Variants in UBA5 observed in about 807,000 individuals in gnomAD.
UBA5 encodes the protein ubiquitin-like modifier-activating enzyme 5.
In UBA5, 28 loss-of-function variants were observed where a neutral mutation model predicts 52.9. That is an observed-to-expected ratio of 0.53 (90% CI 0.39 to 0.73). UBA5 has a LOEUF of 0.73. Among genes scored for constraint, UBA5 ranks in the 30% least tolerant of loss-of-function variants. UBA5 has a pLI of 0.00. For synonymous variants in UBA5, 135 were observed against 162.1 expected, an observed-to-expected ratio of 0.83 and a Z score of 1.27; for missense variants, 388 against 492.7, an observed-to-expected ratio of 0.79 and a Z score of 2.01.
chr3:132,674,476 C>A (rs1288272235), intron 8 of UBA5, among the ~76,000 whole-genome samples: 1 of 152,114 alleles, frequency 6.6e-6, no homozygotes, highest in East Asian at 1.9e-4. Context: ...TTGCTTGAGC[C>A]CAGGAATTTG....
chr3:132,666,143 G>A, intron 3 of UBA5, 70 bp downstream of exon 3: 1 of 1,402,814 alleles, frequency 7.1e-7, no homozygotes, highest in Non-Finnish European at 1.0e-6. Flanking sequence ...GTACAAGTTA[G>A]GATTTTTTTT....
rs891070165 is a variant in UBA5, at chr3:132,668,805, A to G, written c.298-13A>G. On this transcript the variant is annotated splice_polypyrimidine_tract_variant and intron_variant, in intron 3 of 11. Coordinates refer to ENST00000356232, the MANE Select transcript of UBA5 (RefSeq NM_024818.6). Reference sequence around the variant, plus strand: ...GTATGTTTTTCATCAGAATACCACTATTTTCATTTTAGTTGCTACTCTTTG... The same window carrying G: ...GTATGTTTTTCATCAGAATACCACTGTTTTCATTTTAGTTGCTACTCTTTG... 2 of 1,546,494 alleles carry G rather than the reference A, an allele frequency of 1.3e-6. No homozygotes were observed. The highest frequency in any genetic ancestry group is 2.7e-5 in the African/African-American group (2 of 72,802).
At chr3:132,672,371 T>TAC (rs2107944140) in intron 8 of UBA5, among the ~76,000 whole-genome samples, 194 bp downstream of exon 8, 1 of 152,148 alleles carries the variant, frequency 6.6e-6, no homozygotes, top group East Asian at 1.9e-4. Context: ...CTACTTTTCA[T>TAC]ATATATTGCT....
At chr3:132,659,826 G>A (rs941464042), upstream of UBA5, 39 of 1,500,098 alleles carry the variant, frequency 2.6e-5, no homozygotes, top group Non-Finnish European at 3.0e-5. Context: ...TTGGGGCAAC[G>A]TCCCCTCTAG....
At chr3:132,675,149 T>C (rs187711994) in intron 8 of UBA5, 99 bp from the exon 9 acceptor site, 9 of 851,570 alleles carry the variant, frequency 1.1e-5, no homozygotes, top group Admixed American at 8.8e-5. Context: ...AAAAAAAATA[T>C]ATAATTACCT....
rs1938126169 is a variant in UBA5, at chr3:132,660,894, T to A, written c.161+196T>A. ...ATATTCTTTCTCTTTTTTAAAAACCTCCAGTGAGTCAGCCATATGGTGCTG... is the reference window on the plus strand; with the variant it reads ...ATATTCTTTCTCTTTTTTAAAAACCACCAGTGAGTCAGCCATATGGTGCTG... On this transcript the variant is annotated intron_variant, in intron 1 of 11. Coordinates refer to ENST00000356232, the MANE Select transcript of UBA5 (RefSeq NM_024818.6). This position sits in a 1 kb window ranked among gnomAD's most constrained non-coding sequence, Gnocchi z 4.1. 8.3e-6 allele frequency: 12 copies of A among 1,447,026 alleles called. No homozygotes were observed. The highest frequency in any genetic ancestry group is 1.1e-5 in the Non-Finnish European group (12 of 1,103,928). 89.6% of individuals were successfully genotyped at this position (1,447,026 alleles called of 1,614,324 possible). A position where few individuals can be genotyped will look rare whatever the true frequency, so the allele number is the denominator to read the frequency against.
chr3:132,659,840 A>G (rs1372449825), upstream of UBA5: 3 of 1,457,426 alleles, frequency 2.1e-6, no homozygotes, highest in East Asian at 2.5e-5. Context: ...CCTCTAGAGC[A>G]TGGGCCGAGG....
In UBA5 at chr3:132,671,827, T is replaced by C. The variant is rs1412744858; in HGVS notation, c.630T>C (p.Asn210=). 6.2e-7 allele frequency: 1 copy of C among 1,613,776 alleles called. No homozygotes were observed. Among genetic ancestry groups the C allele is most frequent in the Non-Finnish European group, 8.5e-7 (1 of 1,179,890 alleles). The change falls in exon 7 of 12, where the codon AAT becomes AAC. Residue 210 remains asparagine (N), a synonymous_variant. Coordinates refer to ENST00000356232, the MANE Select transcript of UBA5 (RefSeq NM_024818.6). ...QTWMESGVSE[N]AVSGHIQLII... is the part of the protein sequence containing the mutation. ...GGATGGAATCTGGGGTCAGTGAAAATGCAGTTTCAGGGCATATACAGCTTA... is the reference window on the plus strand; with the variant it reads ...GGATGGAATCTGGGGTCAGTGAAAACGCAGTTTCAGGGCATATACAGCTTA...
rs1181225006 is a variant in UBA5, at chr3:132,679,792, A to T, written c.*3266A>T. 6.6e-6 allele frequency among the ~76,000 whole-genome samples: 1 copy of T among 152,170 alleles called. No individual in the cohort carries two copies. Among genetic ancestry groups the T allele is most frequent in the Non-Finnish European group, 1.5e-5 (1 of 68,026 alleles). ...TCTAAGCTCTAACAGCTTAATTCTA[A>T]AATCATTGTCTGGTATATTTGTGTT... On this transcript the variant is annotated 3_prime_UTR_variant, in exon 12 of 12. Coordinates refer to ENST00000356232, the MANE Select transcript of UBA5 (RefSeq NM_024818.6).
rs578185902 is a variant in UBA5, at chr3:132,679,512, A to C, written c.*2986A>C. Reference sequence around the variant, plus strand: ...TGGTAGTAAAATAAATAGTAATATCAAAATAGTTTATTATGTTTAAATTTC... The same window carrying C: ...TGGTAGTAAAATAAATAGTAATATCCAAATAGTTTATTATGTTTAAATTTC... On this transcript the variant is annotated 3_prime_UTR_variant, in exon 12 of 12. Coordinates refer to ENST00000356232, the MANE Select transcript of UBA5 (RefSeq NM_024818.6). Among the ~76,000 whole-genome samples the C allele has an allele frequency of 1.3e-5, 2 of 152,318 alleles. No homozygotes were observed. Among genetic ancestry groups the C allele is most frequent in the African/African-American group, 4.8e-5 (2 of 41,566 alleles).
At chr3:132,656,296 T>C (rs188448757), upstream of UBA5, among the ~76,000 whole-genome samples, 6 of 152,328 alleles carry the variant, frequency 3.9e-5, no homozygotes, top group East Asian at 5.8e-4. Flanking sequence ...TCTTTGTAGA[T>C]TGTCCCCTTA....
Position 132,675,853 on chromosome 3 carries a change from T to G in UBA5, c.1061T>G (p.Leu354Arg), listed in dbSNP as rs779047931. The G allele has an allele frequency of 2.5e-6, 4 of 1,611,652 alleles. No homozygotes were observed. In the Admixed American group the frequency reaches 6.7e-5, roughly 27 times the overall value. Reference sequence around the variant, plus strand: ...GTATCTGAGGTTTCAGAAGAGGAACTGAAAAATTTTTCAGGTCCAGTTCCA... The same window carrying G: ...GTATCTGAGGTTTCAGAAGAGGAACGGAAAAATTTTTCAGGTCCAGTTCCA... ...ELVSEVSEEELKNFSGPVPDL... is the reference protein window; with the variant it reads ...ELVSEVSEEERKNFSGPVPDL... Residue 354 changes from leucine to arginine, a missense_variant, in exon 11 of 12, where the codon CTG becomes CGG. Around this residue, in one of 3 missense-constraint regions of UBA5, gnomAD observed 277 missense variants for 326.4 expected, o/e 0.85. Transcript: ENST00000356232.
At chr3:132,669,230 CT>C (rs1312896382) in intron 4 of UBA5, among the ~76,000 whole-genome samples, 1 of 152,054 alleles carries the variant, frequency 6.6e-6, no homozygotes, top group Non-Finnish European at 1.5e-5. Flanking sequence ...TTTTTGGACT[CT>C]GAAATTTGAA....
At chr3:132,659,551 A>C (rs1576634472), upstream of UBA5, 1 of 1,605,658 alleles carries the variant, frequency 6.2e-7, no homozygotes. Context: ...AAAGGAAGGA[A>C]AACTCAATGT....
chr3:132,670,550 G>A (rs1938556287), intron 5 of UBA5: 1 of 252,654 alleles, frequency 4.0e-6, no homozygotes, highest in African/African-American at 2.2e-5. Flanking sequence ...TTTAAGTTCT[G>A]TGTTCTAGAT....
At chr3:132,655,349 C>T (rs1937731270), upstream of UBA5, among the ~76,000 whole-genome samples, 1 of 152,048 alleles carries the variant, frequency 6.6e-6, no homozygotes, top group African/African-American at 2.4e-5. Context: ...AGATTACTTC[C>T]CTCCTCTGCT....
chr3:132,675,495 A>G, intron 9 of UBA5, 110 bp from the exon 10 acceptor site: 14 of 1,518,920 alleles, frequency 9.2e-6, no homozygotes, highest in Non-Finnish European at 1.3e-5. Flanking sequence ...TTCAAAAATG[A>G]ATGTTCTTTC....
At chr3:132,656,290 T>C (rs898812886), upstream of UBA5, among the ~76,000 whole-genome samples, 2 of 152,206 alleles carry the variant, frequency 1.3e-5, no homozygotes, top group African/African-American at 4.8e-5. Flanking sequence ...TGAACATCTT[T>C]GTAGATTGTC....
At chr3:132,666,101 A>G in intron 3 of UBA5, 28 bp downstream of exon 3, 1 of 1,589,356 alleles carries the variant, frequency 6.3e-7, no homozygotes, top group Non-Finnish European at 8.6e-7. Flanking sequence ...TGCCTGTCAT[A>G]TAGGGAACTA....
Sources: allele counts gnomAD v4.1 joint callset (sites outside exome capture counted in the v4.1 genomes callset), GRCh38; gene constraint gnomAD v4.1.1; regional missense constraint gnomAD v4.1.1; non-coding constraint Gnocchi (gnomAD v3.1); transcripts MANE v1.5; gene names NCBI Gene and HGNC (gene_info 2026-07-23, HGNC 2026-07-21).